Variants in COL14A1 observed in about 807,000 individuals in gnomAD.
COL14A1 encodes collagen alpha-1(XIV) chain.
COL14A1 carries 136 observed loss-of-function variants against 230.3 expected under a neutral mutation model. That is an observed-to-expected ratio of 0.59 (90% CI 0.51 to 0.68). COL14A1 has a LOEUF of 0.68. Among genes scored for constraint, COL14A1 ranks in the 30% least tolerant of loss-of-function variants. COL14A1 has a pLI of 0.00. For synonymous variants in COL14A1, 792 were observed against 784.1 expected (o/e 1.01, Z -0.17); for missense variants, 1,976 against 2,215.8 (o/e 0.89, Z 2.17).
intron 8 of COL14A1, among the ~76,000 whole-genome samples, chr8:120,200,216 A>G (rs979442742): frequency 6.6e-5 from 10 of 152,078 alleles, no homozygotes; most frequent in African/African-American, 2.4e-4. Flanking sequence ...ATTCCCAAGC[A>G]ACACTGAAAC....
At chr8:120,288,135 C>T (rs962793068) in intron 33 of COL14A1, among the ~76,000 whole-genome samples, 2 of 151,924 alleles carry the variant, frequency 1.3e-5, no homozygotes, top group African/African-American at 4.8e-5. Context: ...TTTCTGTAAT[C>T]TATAATATTG....
intron 19 of COL14A1, among the ~76,000 whole-genome samples, chr8:120,242,864 GC>G (rs1397134103): frequency 1.3e-5 from 2 of 152,154 alleles, no homozygotes; most frequent in Non-Finnish European, 2.9e-5. Flanking sequence ...GCTTTCTAGG[GC>G]TTATTCCATG....
chr8:120,344,618 T>C (rs1215826575), intron 44 of COL14A1, among the ~76,000 whole-genome samples: 1 of 152,214 alleles, frequency 6.6e-6, no homozygotes, highest in Non-Finnish European at 1.5e-5. Context: ...TATTTTAGAG[T>C]GAATTCCTTG....
intron 8 of COL14A1, among the ~76,000 whole-genome samples, chr8:120,201,672 A>C (rs36106496): frequency 0.063 from 9,556 of 151,666 alleles, 457 homozygotes; most frequent in Non-Finnish European, 0.092. Flanking sequence ...GTTATCAATG[A>C]AAAAAAAACT....
At chr8:120,191,988 A>G (rs1409058341) in intron 5 of COL14A1, among the ~76,000 whole-genome samples, 8 of 150,684 alleles carry the variant, frequency 5.3e-5, no homozygotes, top group African/African-American at 2.0e-4. Context: ...ATGGGTCTTG[A>G]CTCTTTATCC....
rs755984893 is a variant in COL14A1, at chr8:120,203,691, T to C, written c.878-18T>C. The stretch of plus-strand genomic sequence containing the variant: ...GGGGCATAAAAGTCACCATTCTCTT[T>C]TTTGTCCTCTGTGTAAGGGGTGAAA... On this transcript the variant is annotated intron_variant, in intron 8 of 47. Coordinates refer to ENST00000297848, the MANE Select transcript of COL14A1 (RefSeq NM_021110.4). 71 of 1,612,554 alleles carry C rather than the reference T, an allele frequency of 4.4e-5. No homozygotes were observed. In the Middle Eastern group the frequency reaches 1.3e-3, roughly 30 times the overall value.
chr8:120,227,922 A>G (rs1315927295), intron 17 of COL14A1, among the ~76,000 whole-genome samples: 1 of 152,194 alleles, frequency 6.6e-6, no homozygotes, highest in Non-Finnish European at 1.5e-5. Context: ...CAGAAAGTTT[A>G]TTGAAGAGTG....
intron 3 of COL14A1, among the ~76,000 whole-genome samples, chr8:120,160,508 A>C (rs537136361): frequency 1.3e-5 from 2 of 152,252 alleles, no homozygotes; most frequent in East Asian, 3.9e-4. Context: ...TGAAGAGTGC[A>C]CCCAAGAAGT....
chr8:120,326,297 G>T (rs531953312), intron 40 of COL14A1, among the ~76,000 whole-genome samples: 21 of 152,296 alleles, frequency 1.4e-4, no homozygotes, highest in Admixed American at 2.6e-4. Flanking sequence ...AGATGTACCC[G>T]TTGGAACTCT....
At chr8:120,308,808 G>A (rs780525688) in intron 36 of COL14A1, among the ~76,000 whole-genome samples, 1 of 152,154 alleles carries the variant, frequency 6.6e-6, no homozygotes, top group Non-Finnish European at 1.5e-5. Context: ...CATTTTCAAT[G>A]ATTTTTCAAT....
intron 1 of COL14A1, among the ~76,000 whole-genome samples, chr8:120,145,851 C>T (rs866332871): frequency 6.6e-6 from 1 of 152,272 alleles, no homozygotes; most frequent in Admixed American, 6.5e-5. Context: ...CATCAGAATA[C>T]ACTTGAACAA....
chr8:120,247,127 A>G (rs1818790669), intron 20 of COL14A1, among the ~76,000 whole-genome samples: 1 of 152,228 alleles, frequency 6.6e-6, no homozygotes, highest in South Asian at 2.1e-4. Context: ...TATTTCCCAT[A>G]TATTTAATAT....
At chr8:120,243,816 T>C (rs1818680882) in intron 19 of COL14A1, 63 bp from the exon 20 acceptor site, 45 of 1,564,044 alleles carry the variant, frequency 2.9e-5, no homozygotes, top group Non-Finnish European at 3.9e-5. Context: ...AAAGTTATGC[T>C]CCATTACCAA....
chr8:120,306,210 A>G (rs1249254071), intron 36 of COL14A1, among the ~76,000 whole-genome samples: 1 of 152,144 alleles, frequency 6.6e-6, no homozygotes, highest in Non-Finnish European at 1.5e-5. Context: ...CAGCATTAAT[A>G]CATGTTTATA....
At chr8:120,141,667 T>A (rs1814916283) in intron 1 of COL14A1, among the ~76,000 whole-genome samples, 2 of 152,204 alleles carry the variant, frequency 1.3e-5, no homozygotes, top group South Asian at 4.1e-4. Flanking sequence ...ATAGCATTTA[T>A]TTAGTTAGTT....
Position 120,266,777 on chromosome 8 carries a change from C to T in COL14A1, c.3017-50C>T, listed in dbSNP as rs1310947931. 2.1e-6 allele frequency: 3 copies of T among 1,459,588 alleles called. No individual in the cohort carries two copies. The Admixed American group carries it at 5.1e-5, about 25-fold the overall frequency. The allele number at this position is 1,459,588 out of a possible 1,614,324, so 90.4% of individuals were successfully genotyped here. A position where few individuals can be genotyped will look rare whatever the true frequency, so the allele number is the denominator to read the frequency against. On this transcript the variant is annotated intron_variant, in intron 24 of 47. Transcript: ENST00000297848. ...TATTACTCCATGACCTTCCGCTCTT[C>T]CCCACAGATGAGATGGTGAACTGAT... is the stretch of plus-strand genomic sequence containing the variant.
rs537153422 is a variant in COL14A1, at chr8:120,356,133, G to A, written c.5077+10570G>A. ...TAAGTGAGTTATATAGAATATAAAT[G>A]GTTTCAGAATGTAAAGGAAGATGTC... On this transcript the variant is annotated intron_variant, in intron 45 of 47. Coordinates refer to ENST00000297848, the MANE Select transcript of COL14A1 (RefSeq NM_021110.4). Among the ~76,000 whole-genome samples, 17 of 152,278 alleles carry A rather than the reference G, an allele frequency of 1.1e-4. No homozygotes were observed. In the South Asian group the frequency reaches 3.5e-3, roughly 32 times the overall value.
At chr8:120,131,829 T>G (rs1026192068) in intron 1 of COL14A1, among the ~76,000 whole-genome samples, 4 of 148,400 alleles carry the variant, frequency 2.7e-5, no homozygotes. Context: ...CTTCCTTTTT[T>G]CTTCCTTTCT....
intron 37 of COL14A1, among the ~76,000 whole-genome samples, chr8:120,312,107 A>C (rs998643429): frequency 1.3e-5 from 2 of 151,970 alleles, no homozygotes; most frequent in Admixed American, 6.6e-5. Context: ...TCAAATAAAT[A>C]AATAATATAT....
Sources: allele counts gnomAD v4.1 joint callset (sites outside exome capture counted in the v4.1 genomes callset), GRCh38; gene constraint gnomAD v4.1.1; transcripts MANE v1.5; gene names NCBI Gene and HGNC (gene_info 2026-07-23, HGNC 2026-07-21).